Variants in PLD5 observed in about 807,000 individuals in gnomAD.
PLD5 encodes the protein phospholipase D family member 5.
Under a neutral mutation model 61.1 loss-of-function variants are expected in PLD5, and 36 were observed. That is an observed-to-expected ratio of 0.59 (90% CI 0.45 to 0.78). PLD5 has a LOEUF of 0.78. Ranked by LOEUF, PLD5 falls within the 30% of genes least tolerant of loss-of-function variation. The pLI is 0.00. For missense variants in PLD5, 515 were observed against 644.4 expected, an observed-to-expected ratio of 0.80 and a Z score of 2.17; for synonymous variants, 243 against 242.8, an observed-to-expected ratio of 1.00 and a Z score of -0.01.
intron 2 of PLD5, among the ~76,000 whole-genome samples, chr1:242,302,367 ATT>A (rs1381100850): frequency 6.6e-6 from 1 of 152,114 alleles, no homozygotes; most frequent in African/African-American, 2.4e-5. Context: ...CCAAAAATGT[ATT>A]GTTATTTACT....
chr1:242,282,264 A>C (rs1674756360), intron 3 of PLD5, among the ~76,000 whole-genome samples: 2 of 152,186 alleles, frequency 1.3e-5, no homozygotes, highest in South Asian at 4.1e-4. Flanking sequence ...CTATTGAGGA[A>C]ACTGAGGCAT....
chr1:242,343,068 A>T (rs1222933747), intron 2 of PLD5, among the ~76,000 whole-genome samples: 3 of 152,162 alleles, frequency 2.0e-5, no homozygotes, highest in Non-Finnish European at 4.4e-5. Flanking sequence ...TAGAGGATAG[A>T]GAGGCTAGTT....
intron 1 of PLD5, among the ~76,000 whole-genome samples, chr1:242,376,706 C>G (rs2149251512): frequency 6.6e-6 from 1 of 152,220 alleles, no homozygotes; most frequent in East Asian, 1.9e-4. Context: ...AAAAGTTGTT[C>G]ATTTAAATAT....
chr1:242,319,613 C>T (rs997014739), intron 2 of PLD5, among the ~76,000 whole-genome samples: 2 of 152,062 alleles, frequency 1.3e-5, no homozygotes, highest in African/African-American at 4.8e-5. Context: ...CCTGGTTGGC[C>T]CCACAATCTT....
At chr1:242,522,703 A>T (rs973191479) in intron 1 of PLD5, among the ~76,000 whole-genome samples, 2 of 152,174 alleles carry the variant, frequency 1.3e-5, no homozygotes, top group African/African-American at 2.4e-5. Context: ...CCCCCTTTAA[A>T]CTAATAACAC....
chr1:242,092,107 C>G (rs559548719), intron 9 of PLD5, among the ~76,000 whole-genome samples: 1 of 151,998 alleles, frequency 6.6e-6, no homozygotes, highest in African/African-American at 2.4e-5. Flanking sequence ...GGATTACAAG[C>G]GTGAGCCACT....
intron 5 of PLD5, among the ~76,000 whole-genome samples, chr1:242,215,603 T>C (rs1371584180): frequency 6.6e-6 from 1 of 152,106 alleles, no homozygotes; most frequent in East Asian, 1.9e-4. Context: ...GGGAAGAAGG[T>C]ATGCTTCCAC....
chr1:242,192,827 C>G (rs1668370741), intron 5 of PLD5, among the ~76,000 whole-genome samples: 1 of 151,850 alleles, frequency 6.6e-6, no homozygotes, highest in African/African-American at 2.4e-5. Context: ...CTTGGGGTCT[C>G]TCTTCCTGCC....
chr1:242,271,553 G>C (rs952098667), intron 3 of PLD5, among the ~76,000 whole-genome samples: 16 of 152,106 alleles, frequency 1.1e-4, no homozygotes, highest in Admixed American at 8.5e-4. Context: ...CTAACCAGCT[G>C]CAAGTACATG....
chr1:242,364,909 A>C (rs1160249770), intron 1 of PLD5, among the ~76,000 whole-genome samples: 2 of 152,118 alleles, frequency 1.3e-5, no homozygotes, highest in Non-Finnish European at 2.9e-5. Flanking sequence ...AAAATCAGTG[A>C]ATCAGAATTC....
At chr1:242,404,624 C>T (rs75180881) in intron 1 of PLD5, among the ~76,000 whole-genome samples, 1,641 of 151,124 alleles carry the variant, frequency 0.011, 32 homozygotes, top group African/African-American at 0.038. Context: ...CTCATGGCAC[C>T]GCTTTATCCA....
At chr1:242,277,754 G>C (rs1172932494) in intron 3 of PLD5, among the ~76,000 whole-genome samples, 1 of 151,322 alleles carries the variant, frequency 6.6e-6, no homozygotes, top group Non-Finnish European at 1.5e-5. Context: ...AGGCCGACGC[G>C]GAAGGATCAC....
chr1:242,445,761 CTTT>C (rs759465537), intron 1 of PLD5, among the ~76,000 whole-genome samples: 3 of 129,708 alleles, frequency 2.3e-5, no homozygotes, highest in South Asian at 2.6e-4. Context: ...TTATTCACTT[CTTT>C]TTTTTTTTTT....
chr1:242,114,451 A>T (rs528392885), intron 6 of PLD5, among the ~76,000 whole-genome samples: 70 of 152,284 alleles, frequency 4.6e-4, no homozygotes, highest in Non-Finnish European at 8.7e-4. Flanking sequence ...AACTATTTGA[A>T]ACTATCTAAT....
chr1:242,155,992 T>C (rs1665334645), intron 5 of PLD5, among the ~76,000 whole-genome samples: 1 of 152,200 alleles, frequency 6.6e-6, no homozygotes. Context: ...TCTAAGTCTC[T>C]TTGTAGGTTT....
In PLD5 at chr1:242,397,039, T is replaced by C. The variant is rs967769694; in HGVS notation, c.190-48797A>G. ...GTCTCCTTTGTTAGTTTCTATTCTC[T>C]TTTATATAGCTACATGTTGAGTGTC... On this transcript the variant is annotated intron_variant, in intron 1 of 9. Coordinates refer to ENST00000536534, the MANE Select transcript of PLD5 (RefSeq NM_001372062.1). Among the ~76,000 whole-genome samples the C allele has an allele frequency of 5.9e-5, 9 of 152,174 alleles. 1 individual carries two copies. Among genetic ancestry groups the C allele is most frequent in the Admixed American group, 5.9e-4 (9 of 15,268 alleles).
chr1:242,316,350 C>T (rs537028059), intron 2 of PLD5, among the ~76,000 whole-genome samples: 107 of 152,242 alleles, frequency 7.0e-4, no homozygotes, highest in African/African-American at 2.2e-3. Context: ...AAACAGTGTG[C>T]TCTGTTACTG....
intron 5 of PLD5, among the ~76,000 whole-genome samples, chr1:242,133,130 C>G (rs1663431104): frequency 6.6e-6 from 1 of 151,744 alleles, no homozygotes; most frequent in Non-Finnish European, 1.5e-5. Flanking sequence ...TCACGCTGGT[C>G]AGGGGCCTAG....
At chr1:242,351,410 C>T (rs1026293422) in intron 1 of PLD5, among the ~76,000 whole-genome samples, 4 of 152,252 alleles carry the variant, frequency 2.6e-5, no homozygotes, top group African/African-American at 9.6e-5. Context: ...ATGGAAGGGA[C>T]GAGGCAGGAG....
Sources: allele counts gnomAD v4.1 joint callset (sites outside exome capture counted in the v4.1 genomes callset), GRCh38; gene constraint gnomAD v4.1.1; transcripts MANE v1.5; gene names NCBI Gene and HGNC (gene_info 2026-07-23, HGNC 2026-07-21).